The following UBR4 variants were observed in gnomAD, a reference collection of about 807,000 sequenced individuals.
UBR4 encodes ubiquitin protein ligase E3 component n-recognin 4, also known as E3 ubiquitin-protein ligase UBR4.
A neutral mutation model predicts 575.6 loss-of-function variants in UBR4; 124 were observed. That is an observed-to-expected ratio of 0.22 (90% CI 0.19 to 0.25). The LOEUF is 0.25. UBR4 is among the 10% of genes least tolerant of loss of function. The pLI is 1.00. For synonymous variants in UBR4, 2,455 were observed against 2,473.7 expected (o/e 0.99, Z 0.22); for missense variants, 4,818 against 6,478.8 (o/e 0.74, Z 8.80).
In UBR4 at chr1:19,154,965, G is replaced by C. The variant is rs752238119; in HGVS notation, c.6411C>G (p.Ser2137Arg). ...GTTGCAACACCTCCAGGGTTGTCCT[G>C]CTGATGGTGGCTGCGAATGATTTGC... is the stretch of plus-strand genomic sequence containing the variant. ...CQGKSFAATI[S>R]RTTLEVLQLF... is the part of the protein sequence containing the mutation. Residue 2137 changes from serine (S) to arginine (R), a missense_variant, in exon 44 of 106, where the codon AGC (serine) becomes AGG (arginine). Around this residue, in one of 29 missense-constraint regions of UBR4, gnomAD observed 461 missense variants for 606.9 expected, o/e 0.76. Coordinates refer to ENST00000375254, the MANE Select transcript of UBR4 (RefSeq NM_020765.3). The C allele has an allele frequency of 1.2e-6, 2 of 1,614,176 alleles. No individual in the cohort carries two copies. Among genetic ancestry groups the C allele is most frequent in the Non-Finnish European group, 1.7e-6 (2 of 1,180,014 alleles).
At chr1:19,183,497 G>A (rs1052465542) in intron 17 of UBR4, among the ~76,000 whole-genome samples, 33 of 152,124 alleles carry the variant, frequency 2.2e-4, no homozygotes, top group African/African-American at 6.8e-4. Context: ...TGAGGCGGGC[G>A]GATCACCTGA....
At chr1:19,168,336 G>C (rs906382754) in intron 27 of UBR4, 152 bp from the exon 28 acceptor site, 34 of 676,250 alleles carry the variant, frequency 5.0e-5, no homozygotes, top group African/African-American at 1.9e-5. Flanking sequence ...TGCTGGGAAG[G>C]GAAGTGGGGT....
At chr1:19,172,835 T>C (rs772077742) in intron 25 of UBR4, 29 bp downstream of exon 25, 2 of 1,592,028 alleles carry the variant, frequency 1.3e-6, no homozygotes, top group African/African-American at 1.3e-5. Context: ...AGAGTGCATG[T>C]GCATCTCTGG....
At chr1:19,106,481 G>T in intron 83 of UBR4, 88 bp downstream of exon 83, 1 of 1,440,160 alleles carries the variant, frequency 6.9e-7, no homozygotes, top group Non-Finnish European at 9.2e-7. Flanking sequence ...AGATGGCAGT[G>T]CAGACACATG....
chr1:19,160,908 C>A lies in UBR4; in HGVS notation c.5406+9G>T. The A allele has an allele frequency of 2.5e-6, 4 of 1,613,680 alleles. No individual in the cohort carries two copies. The South Asian group carries it at 3.3e-5, about 13-fold the overall frequency. ...TGTCTGCTTACTAGGGAGCATCAGT[C>A]AGCCCCACCTGGTTCTGTAATTCCT... On this transcript the variant is annotated intron_variant, in intron 38 of 105. Coordinates refer to ENST00000375254, the MANE Select transcript of UBR4 (RefSeq NM_020765.3).
intron 103 of UBR4, chr1:19,080,749 G>A (rs1407970907): frequency 6.6e-6 from 1 of 152,562 alleles, no homozygotes; most frequent in Admixed American, 6.5e-5. Flanking sequence ...AGATGCTGTG[G>A]TGGCAGTTTC....
intron 1 of UBR4, among the ~76,000 whole-genome samples, chr1:19,209,004 C>A (rs962406105): frequency 7.9e-5 from 12 of 152,310 alleles, no homozygotes; most frequent in East Asian, 1.9e-4. Flanking sequence ...TGTGAAGTTA[C>A]CAAACTCAAC....
intron 17 of UBR4, 124 bp from the exon 18 acceptor site, chr1:19,179,344 C>A: frequency 9.4e-7 from 1 of 1,062,548 alleles, no homozygotes; most frequent in Non-Finnish European, 1.2e-6. Flanking sequence ...AAAGAAGGAC[C>A]CAGAAATTCA....
chr1:19,180,560 A>G (rs1270824011), intron 17 of UBR4, among the ~76,000 whole-genome samples: 2 of 149,950 alleles, frequency 1.3e-5, no homozygotes, highest in African/African-American at 2.5e-5. Flanking sequence ...AAAAAAACCT[A>G]CCTGAGCTAC....
In UBR4 at chr1:19,115,644, A is replaced by C; in HGVS notation, c.10824-7T>G. ...TTTGTGCCAGCGAGCTGGCCTAGGA[A>C]AGACAGACAGCCTTGAGATTTTCTC... On this transcript the variant is annotated splice_polypyrimidine_tract_variant and splice_region_variant and intron_variant, in intron 73 of 105. Transcript: ENST00000375254. The C allele has an allele frequency of 1.2e-6, 2 of 1,613,858 alleles. No homozygotes were observed. The highest frequency in any genetic ancestry group is 1.7e-6 in the Non-Finnish European group (2 of 1,179,836).
chr1:19,114,689 T>G, intron 75 of UBR4, 122 bp downstream of exon 75: 1 of 1,303,852 alleles, frequency 7.7e-7, no homozygotes, highest in Non-Finnish European at 1.0e-6. Flanking sequence ...AGCTGGGCCC[T>G]GAAACTGGTG....
rs1311799001 is a variant in UBR4 at position 19,089,798 on chromosome 1, C to G, written c.14212-821G>C. Among the ~76,000 whole-genome samples the G allele has an allele frequency of 6.6e-6, 1 of 152,178 alleles. No homozygotes were observed. The highest frequency in any genetic ancestry group is 1.9e-4 in the East Asian group (1 of 5,186). The stretch of plus-strand genomic sequence containing the variant: ...ACTCAGTAGCTCATAAATCTGTTCT[C>G]ACAGCAAGTCCACTTCCAATCTGTG... On this transcript the variant is annotated intron_variant, in intron 97 of 105. Coordinates refer to ENST00000375254, the MANE Select transcript of UBR4 (RefSeq NM_020765.3). This position sits in a 1 kb window ranked among gnomAD's most constrained non-coding sequence, Gnocchi z 4.3.
intron 97 of UBR4, among the ~76,000 whole-genome samples, chr1:19,090,757 T>C (rs1483757161): frequency 6.6e-6 from 1 of 152,162 alleles, no homozygotes; most frequent in Non-Finnish European, 1.5e-5. Flanking sequence ...TCTAACTAGA[T>C]AAAGCCTTAT....
chr1:19,106,756 G>T (rs763559362), intron 82 of UBR4, 30 bp from the exon 83 acceptor site: 1 of 1,598,744 alleles, frequency 6.3e-7, no homozygotes, highest in Admixed American at 1.7e-5. Flanking sequence ...AGGGGTAGTA[G>T]GTAAGTAAAT....
intron 15 of UBR4, 27 bp downstream of exon 15, chr1:19,185,072 C>A: frequency 6.2e-7 from 1 of 1,613,948 alleles, no homozygotes; most frequent in South Asian, 1.1e-5. Context: ...TGTCCACTTC[C>A]CCTAAACCTT....
At chr1:19,081,683 G>A (rs769525233) in intron 102 of UBR4, 110 bp from the exon 103 acceptor site, 39 of 1,226,632 alleles carry the variant, frequency 3.2e-5, no homozygotes, top group East Asian at 1.2e-4. Flanking sequence ...TTTGCTGAAC[G>A]CTTGGATGAC....
intron 89 of UBR4, chr1:19,099,988 G>A (rs1168545261): frequency 2.3e-6 from 1 of 429,174 alleles, no homozygotes; most frequent in Non-Finnish European, 4.2e-6. Flanking sequence ...GACCCTCAAC[G>A]GTCTGCCAGA....
In UBR4 at chr1:19,197,133, C is replaced by T. The variant is rs570751368; in HGVS notation, c.1018+8G>A. On this transcript the variant is annotated splice_region_variant and intron_variant, in intron 8 of 105. Transcript: ENST00000375254. ...GAGAAAATGAGACCAGATATAATAACTTCTCACCTGCATACAGACAACTTA... is the reference window on the plus strand; with the variant it reads ...GAGAAAATGAGACCAGATATAATAATTTCTCACCTGCATACAGACAACTTA... The T allele has an allele frequency of 1.3e-5, 21 of 1,613,354 alleles. No individual in the cohort carries two copies. The South Asian group carries it at 1.9e-4, about 14-fold the overall frequency.
At chr1:19,195,266 A>AAATAATAATAATAAT (rs56018841) in intron 8 of UBR4, among the ~76,000 whole-genome samples, 3,927 of 143,290 alleles carry the variant, frequency 0.027, 112 homozygotes, top group African/African-American at 0.073. Flanking sequence ...CTCCATCTCA[A>AAATAATAATAATAAT]AATAATAATA....
Sources: gnomAD v4.1 joint callset for allele counts (sites outside exome capture counted in the v4.1 genomes callset) on GRCh38, gnomAD v4.1.1 for gene constraint, gnomAD v4.1.1 regional missense constraint, Gnocchi (gnomAD v3.1) non-coding constraint, MANE v1.5 for transcripts, NCBI Gene and HGNC (gene_info 2026-07-23, HGNC 2026-07-21) for gene names.